Variants in DNAJC10 observed in about 807,000 individuals in gnomAD.
The protein encoded by DNAJC10 is DnaJ heat shock protein family (Hsp40) member C10.
Under a neutral mutation model 115.0 loss-of-function variants are expected in DNAJC10, and 101 were observed. That is an observed-to-expected ratio of 0.88 (90% CI 0.75 to 1.04). The LOEUF (loss-of-function observed/expected upper bound fraction) is 1.04, where lower values mean the gene tolerates loss of function less well. Ranked by LOEUF, DNAJC10 falls within the 50% of genes least tolerant of loss-of-function variation. The pLI is 0.00. For synonymous variants in DNAJC10, 307 were observed against 301.5 expected, an observed-to-expected ratio of 1.02 and a Z score of -0.19; for missense variants, 981 against 928.8, an observed-to-expected ratio of 1.06 and a Z score of -0.73.
At chr2:182,765,907 G>T (rs1055723139) in intron 22 of DNAJC10, among the ~76,000 whole-genome samples, 1 of 152,154 alleles carries the variant, frequency 6.6e-6, no homozygotes, top group Admixed American at 6.6e-5. Flanking sequence ...AAGTTATAAT[G>T]GATTCAAATA....
intron 22 of DNAJC10, among the ~76,000 whole-genome samples, chr2:182,775,035 A>G (rs1694668188): frequency 6.8e-6 from 1 of 146,754 alleles, no homozygotes; most frequent in Admixed American, 6.8e-5. Flanking sequence ...GTTCTTGCAC[A>G]GTTTCGATGT....
chr2:182,736,423 T>C, intron 11 of DNAJC10, 37 bp downstream of exon 11: 2 of 1,425,146 alleles, frequency 1.4e-6, no homozygotes, highest in Non-Finnish European at 9.4e-7. Flanking sequence ...TTACATATAA[T>C]GTGCAAACAC....
intron 19 of DNAJC10, among the ~76,000 whole-genome samples, 194 bp downstream of exon 19, chr2:182,758,019 T>G (rs2105681179): frequency 6.6e-6 from 1 of 152,278 alleles, no homozygotes; most frequent in Middle Eastern, 3.4e-3. Context: ...GCATAAAGCT[T>G]ATAGTCTAGA....
At chr2:182,745,705 A>G (rs1174256145) in intron 14 of DNAJC10, among the ~76,000 whole-genome samples, 1 of 150,538 alleles carries the variant, frequency 6.6e-6, no homozygotes, top group Non-Finnish European at 1.5e-5. Flanking sequence ...TTTTTTTTTT[A>G]TGGACAAGTT....
intron 5 of DNAJC10, among the ~76,000 whole-genome samples, chr2:182,727,699 GAT>G (rs1462423715): frequency 2.6e-5 from 4 of 152,118 alleles, no homozygotes; most frequent in African/African-American, 9.7e-5. Context: ...TACCATGTGT[GAT>G]TTAATGTCTT....
chr2:182,737,071 TAAA>T (rs945702745), intron 11 of DNAJC10, among the ~76,000 whole-genome samples: 3 of 152,310 alleles, frequency 2.0e-5, no homozygotes, highest in South Asian at 2.1e-4. Context: ...TTTCTAATGT[TAAA>T]AATATAGATC....
In DNAJC10 at chr2:182,756,339, C is replaced by T. The variant is rs772176710; in HGVS notation, c.1679C>T (p.Ser560Phe). ...GATCTTATGAATCCTTCAGTGGTCT[C>T]CCTTACACCCACCACCTTCAACGAA... is the stretch of plus-strand genomic sequence containing the variant. ...IEDLMNPSVV[S>F]LTPTTFNELV... Residue 560 changes from serine (S) to phenylalanine (F), a missense_variant, in exon 18 of 24, where the codon TCC (serine) becomes TTC (phenylalanine). By Grantham distance (155) the Ser-to-Phe change is radical. Transcript: ENST00000264065. 8 of 1,613,684 alleles carry T rather than the reference C, an allele frequency of 5.0e-6. No homozygotes were observed. The African/African-American group carries it at 9.3e-5, about 19-fold the overall frequency.
intron 19 of DNAJC10, among the ~76,000 whole-genome samples, 171 bp from the exon 20 acceptor site, chr2:182,758,666 A>G (rs1031928712): frequency 2.6e-5 from 4 of 152,172 alleles, no homozygotes; most frequent in African/African-American, 9.7e-5. Context: ...AGAAAAATAC[A>G]TTTGTGAGGC....
At chr2:182,775,624 A>C (rs288284) in intron 23 of DNAJC10, among the ~76,000 whole-genome samples, 27,673 of 152,124 alleles carry the variant, frequency 0.18, 5,860 homozygotes, top group African/African-American at 0.52. Flanking sequence ...GACAAGTAAA[A>C]CCACTTAACA....
chr2:182,743,704 T>A lies in DNAJC10; in HGVS notation c.1298T>A (p.Ile433Asn). 2 of 1,594,274 alleles carry A rather than the reference T, an allele frequency of 1.3e-6. No homozygotes were observed. The highest frequency in any genetic ancestry group is 1.7e-6 in the Non-Finnish European group (2 of 1,166,142). The change falls in exon 14 of 24, where the codon ATT (isoleucine) becomes AAT (asparagine). Residue 433 changes from isoleucine (I) to asparagine (N), a missense_variant. Ile to Asn is a moderately radical substitution (Grantham distance 149). Coordinates refer to ENST00000264065, the MANE Select transcript of DNAJC10 (RefSeq NM_018981.4). ...FKGQGTKEYEIHHGKKILYDI... is the reference protein window; with the variant it reads ...FKGQGTKEYENHHGKKILYDI... Reference sequence around the variant, plus strand: ...GGACAAGGAACCAAAGAATATGAAATTCATCATGGTAAGAATGGAAAAAAA... The same window carrying A: ...GGACAAGGAACCAAAGAATATGAAAATCATCATGGTAAGAATGGAAAAAAA...
Position 182,777,153 on chromosome 2 carries a change from A to T in DNAJC10, c.*21A>T. ...TTTGATAATGTTGAAGATGAAGAAA[A>T]AGTTTAAAAGAAATTCTGACAGATG... On this transcript the variant is annotated 3_prime_UTR_variant, in exon 24 of 24. Coordinates refer to ENST00000264065, the MANE Select transcript of DNAJC10 (RefSeq NM_018981.4). The T allele has an allele frequency of 1.5e-6, 2 of 1,372,072 alleles. No individual in the cohort carries two copies. The highest frequency in any genetic ancestry group is 2.0e-6 in the Non-Finnish European group (2 of 1,015,458). The allele number at this position is 1,372,072 out of a possible 1,614,324, so 85.0% of individuals were successfully genotyped here. A position where few individuals can be genotyped will look rare whatever the true frequency, so the allele number is the denominator to read the frequency against.
Position 182,785,528 on chromosome 2 carries a change from G to C in DNAJC10, c.*8396G>C, listed in dbSNP as rs1694930162. 1 of 152,032 alleles carries C rather than the reference G, an allele frequency of 6.6e-6. No homozygotes were observed. The highest frequency in any genetic ancestry group is 2.1e-4 in the South Asian group (1 of 4,818). The allele number at this position is 152,032 out of a possible 1,614,324, so 9.4% of individuals were successfully genotyped here. A position where few individuals can be genotyped will look rare whatever the true frequency, so the allele number is the denominator to read the frequency against. On this transcript the variant is annotated 3_prime_UTR_variant, in exon 24 of 24. Coordinates refer to ENST00000264065, the MANE Select transcript of DNAJC10 (RefSeq NM_018981.4). ...TTTGTTAAGTGGAAAAAATATTTCA[G>C]TAGGTAGTCATATAAATAAGATGAG...
intron 14 of DNAJC10, among the ~76,000 whole-genome samples, chr2:182,748,192 T>G (rs1428473149): frequency 6.6e-6 from 1 of 150,728 alleles, no homozygotes; most frequent in African/African-American, 2.5e-5. Context: ...TAAAATTCTC[T>G]TTTTTGGTTG....
At chr2:182,737,059 A>C (rs1449878973) in intron 11 of DNAJC10, among the ~76,000 whole-genome samples, 1 of 152,082 alleles carries the variant, frequency 6.6e-6, no homozygotes, top group Non-Finnish European at 1.5e-5. Flanking sequence ...CTAATTGTTT[A>C]TTTTCTAATG....
chr2:182,782,093 A>G lies in DNAJC10; in HGVS notation c.*4961A>G, dbSNP rs1269952335. 6.6e-6 allele frequency: 1 copy of G among 152,138 alleles called. No individual in the cohort carries two copies. The highest frequency in any genetic ancestry group is 1.5e-5 in the Non-Finnish European group (1 of 68,032). The allele number at this position is 152,138 out of a possible 1,614,324, so 9.4% of individuals were successfully genotyped here. On this transcript the variant is annotated 3_prime_UTR_variant, in exon 24 of 24. Transcript: ENST00000264065. ...TTTATGGTTTCAGACCTTACATTTA[A>G]GTCTTTAATCTATCAACTTAATTTT...
rs566910041 is a variant in DNAJC10, at chr2:182,771,342, A to C, written c.2266-3974A>C. ...GGTATCAGGATGATGTTGGCCTCATAAAATGAGTTAGGGAGGATTCCCTCT... is the reference window on the plus strand; with the variant it reads ...GGTATCAGGATGATGTTGGCCTCATCAAATGAGTTAGGGAGGATTCCCTCT... On this transcript the variant is annotated intron_variant, in intron 22 of 23. Transcript: ENST00000264065. Among the ~76,000 whole-genome samples the C allele has an allele frequency of 1.7e-3, 255 of 152,308 alleles. 4 individuals are homozygous for C. The highest frequency in any genetic ancestry group is 1.6e-3 in the Non-Finnish European group (109 of 68,002).
At chr2:182,757,535 A>G (rs980977591) in intron 18 of DNAJC10, among the ~76,000 whole-genome samples, 157 bp from the exon 19 acceptor site, 8 of 152,178 alleles carry the variant, frequency 5.3e-5, no homozygotes, top group Admixed American at 5.2e-4. Flanking sequence ...CATTAGTATA[A>G]ATGGTCTATT....
chr2:182,759,375 A>G, intron 21 of DNAJC10, 68 bp downstream of exon 21: 1 of 1,469,488 alleles, frequency 6.8e-7, no homozygotes, highest in Non-Finnish European at 9.2e-7. Context: ...AAAACATTGT[A>G]AGTATGTAAT....
chr2:182,792,259 C>T lies in DNAJC10; in HGVS notation c.*15127C>T, dbSNP rs1695064868. The T allele has an allele frequency of 6.6e-6, 1 of 152,184 alleles. No homozygotes were observed. The highest frequency in any genetic ancestry group is 2.1e-4 in the South Asian group (1 of 4,832). The allele number at this position is 152,184 out of a possible 1,614,324, so 9.4% of individuals were successfully genotyped here. ...GCACAAGTTTCATTAGAATTAAATG[C>T]ACTATCTGAAGTCTATGTTTATTAA... On this transcript the variant is annotated 3_prime_UTR_variant, in exon 24 of 24. Coordinates refer to ENST00000264065, the MANE Select transcript of DNAJC10 (RefSeq NM_018981.4).
Sources: gnomAD v4.1 joint callset for allele counts (sites outside exome capture counted in the v4.1 genomes callset) on GRCh38, gnomAD v4.1.1 for gene constraint, MANE v1.5 for transcripts, NCBI Gene and HGNC (gene_info 2026-07-23, HGNC 2026-07-21) for gene names.